Variants in LRBA observed in about 807,000 individuals in gnomAD.
The protein encoded by LRBA is LPS responsive beige-like anchor protein.
A neutral mutation model predicts 330.0 loss-of-function variants in LRBA; 176 were observed. The observed-to-expected ratio is 0.53, with a 90% CI of 0.47 to 0.60. The LOEUF is 0.60. Ranked by LOEUF, LRBA falls within the 20% of genes least tolerant of loss-of-function variation. The pLI is 0.00. For missense variants in LRBA, 3,259 were observed against 3,444.8 expected (o/e 0.95, Z 1.35); for synonymous variants, 1,230 against 1,193.0 (o/e 1.03, Z -0.64).
rs538059089 is a variant in LRBA at position 150,600,290 on chromosome 4, G to A, written c.5922-1159C>T. On this transcript the variant is annotated intron_variant, in intron 37 of 56. Transcript: ENST00000651943. ...CAAAATACAATCTTACTTATATTTC[G>A]GGAGCTAATAAAATTGTATCTGTCA... Among the ~76,000 whole-genome samples the A allele has an allele frequency of 5.3e-5, 8 of 151,908 alleles. No individual in the cohort carries two copies. In the East Asian group the frequency reaches 1.2e-3, roughly 22 times the overall value.
chr4:150,365,590 G>A (rs540730817), intron 47 of LRBA, among the ~76,000 whole-genome samples: 2 of 152,006 alleles, frequency 1.3e-5, no homozygotes, highest in African/African-American at 2.4e-5. Flanking sequence ...TCAAGAGTTC[G>A]AGACCAGCCT....
At chr4:150,513,801 A>G (rs969419728) in intron 40 of LRBA, among the ~76,000 whole-genome samples, 1 of 152,154 alleles carries the variant, frequency 6.6e-6, no homozygotes, top group East Asian at 1.9e-4. Context: ...CCTCCTAAAG[A>G]GTCTATCTCC....
At chr4:150,820,095 A>T (rs1238742149) in intron 30 of LRBA, among the ~76,000 whole-genome samples, 1 of 152,094 alleles carries the variant, frequency 6.6e-6, no homozygotes, top group East Asian at 1.9e-4. Context: ...ATAGCAGCTA[A>T]GATAAATGCA....
intron 40 of LRBA, among the ~76,000 whole-genome samples, chr4:150,545,459 T>C (rs1381563119): frequency 6.6e-6 from 1 of 152,148 alleles, no homozygotes; most frequent in Non-Finnish European, 1.5e-5. Flanking sequence ...TATTGCACTT[T>C]AGAATCCCAT....
intron 44 of LRBA, among the ~76,000 whole-genome samples, chr4:150,452,311 C>T (rs745481503): frequency 3.3e-5 from 5 of 152,102 alleles, no homozygotes; most frequent in African/African-American, 4.8e-5. Context: ...TCAGAAAAAG[C>T]ATTTGATAAA....
intron 37 of LRBA, among the ~76,000 whole-genome samples, chr4:150,599,368 G>A (rs1008303678): frequency 6.6e-5 from 10 of 152,076 alleles, no homozygotes; most frequent in African/African-American, 9.7e-5. Flanking sequence ...AAGGTGAAAT[G>A]AGCACTAAAT....
At chr4:150,841,883 C>T (rs999193586) in intron 28 of LRBA, among the ~76,000 whole-genome samples, 1 of 152,078 alleles carries the variant, frequency 6.6e-6, no homozygotes, top group Non-Finnish European at 1.5e-5. Context: ...GTCTCCATCT[C>T]CTGGCCTTGT....
chr4:150,946,562 C>T (rs997274228), intron 2 of LRBA, among the ~76,000 whole-genome samples: 9 of 151,764 alleles, frequency 5.9e-5, no homozygotes, highest in Non-Finnish European at 1.0e-4. Flanking sequence ...TTTTTAAATA[C>T]GATGAACTGA....
At chr4:150,575,068 A>G (rs1770373234) in intron 40 of LRBA, among the ~76,000 whole-genome samples, 1 of 152,026 alleles carries the variant, frequency 6.6e-6, no homozygotes, top group Non-Finnish European at 1.5e-5. Flanking sequence ...TTTATGATCC[A>G]AAGATAATAA....
At chr4:150,684,325 A>G (rs1432675037) in intron 36 of LRBA, among the ~76,000 whole-genome samples, 1 of 152,194 alleles carries the variant, frequency 6.6e-6, no homozygotes, top group African/African-American at 2.4e-5. Context: ...AAATTGAGCT[A>G]GTTCTAAATA....
At chr4:150,543,744 G>C (rs936686011) in intron 40 of LRBA, among the ~76,000 whole-genome samples, 2 of 152,098 alleles carry the variant, frequency 1.3e-5, no homozygotes, top group African/African-American at 2.4e-5. Flanking sequence ...TATTCAGTAA[G>C]TATATGAGAC....
intron 11 of LRBA, among the ~76,000 whole-genome samples, chr4:150,908,063 AT>A (rs80168934): frequency 1.2e-4 from 19 of 152,304 alleles, no homozygotes; most frequent in East Asian, 7.7e-4. Context: ...AGACAAAAAA[AT>A]GTATTTATTT....
At chr4:150,797,129 C>T (rs1357693948) in intron 34 of LRBA, among the ~76,000 whole-genome samples, 1 of 151,808 alleles carries the variant, frequency 6.6e-6, no homozygotes, top group African/African-American at 2.4e-5. Flanking sequence ...TTTTTCACAC[C>T]TTCTATGATT....
chr4:150,401,485 G>A (rs13132281), intron 47 of LRBA, among the ~76,000 whole-genome samples: 54,393 of 151,996 alleles, frequency 0.36, 11,669 homozygotes, highest in South Asian at 0.51. Context: ...GATGTTAAGT[G>A]AGGACTTACT....
chr4:150,312,266 T>A (rs1242669425), intron 51 of LRBA, among the ~76,000 whole-genome samples: 2 of 152,156 alleles, frequency 1.3e-5, no homozygotes, highest in African/African-American at 4.8e-5. Context: ...AAGGTATATT[T>A]ATCTAGATAA....
At chr4:150,559,975 T>C (rs1446167809) in intron 40 of LRBA, among the ~76,000 whole-genome samples, 1 of 120,748 alleles carries the variant, frequency 8.3e-6, no homozygotes, top group Non-Finnish European at 1.6e-5. Context: ...TATATTTATA[T>C]AAAATAAGGG....
chr4:150,706,226 T>G (rs1215904023), intron 36 of LRBA, among the ~76,000 whole-genome samples: 2 of 151,834 alleles, frequency 1.3e-5, no homozygotes, highest in African/African-American at 4.8e-5. Flanking sequence ...GACTCAATAA[T>G]TAAATTGATT....
Position 150,583,798 on chromosome 4 carries a change from C to G in LRBA, c.6330+4250G>C, listed in dbSNP as rs201654725. On this transcript the variant is annotated intron_variant, in intron 40 of 56. Transcript: ENST00000651943. This position sits in a 1 kb window ranked among gnomAD's most constrained non-coding sequence, Gnocchi z 9.8. Reference sequence around the variant, plus strand: ...CAAGTGCCTCTCAGTGCTGAAGACTCTGCGGGACCGCCACCTGGAGCTACC... The same window carrying G: ...CAAGTGCCTCTCAGTGCTGAAGACTGTGCGGGACCGCCACCTGGAGCTACC... The G allele has an allele frequency of 5.6e-6, 9 of 1,614,214 alleles. No individual in the cohort carries two copies. The East Asian group carries it at 1.1e-4, about 20-fold the overall frequency.
Position 150,916,732 on chromosome 4 carries a change from C to T in LRBA, c.652G>A (p.Ala218Thr), listed in dbSNP as rs1732636435. 1.3e-6 allele frequency: 2 copies of T among 1,551,528 alleles called. No individual in the cohort carries two copies. The highest frequency in any genetic ancestry group is 1.7e-6 in the Non-Finnish European group (2 of 1,156,226). Residue 218 changes from alanine (A) to threonine (T), a missense_variant, in exon 6 of 57, where the codon GCA becomes ACA. Physicochemically the swap from Ala to Thr is moderately conservative, Grantham distance 58. Transcript: ENST00000651943. ...GGCCATTTGGCTATAGGAGGTAATG[C>T]AATAGCCTAAAGGAAAGAAACTTTG... ...NFPGKSAAAI[A>T]LPPIAKWPYQ...
Sources: gnomAD v4.1 joint callset for allele counts (sites outside exome capture counted in the v4.1 genomes callset) on GRCh38, gnomAD v4.1.1 for gene constraint, Gnocchi (gnomAD v3.1) non-coding constraint, MANE v1.5 for transcripts, NCBI Gene and HGNC (gene_info 2026-07-23, HGNC 2026-07-21) for gene names.